Variants in SHB observed in about 807,000 individuals in gnomAD.
The protein encoded by SHB is SH2 domain containing adaptor protein B, also known as SH2 domain-containing adapter protein B.
A neutral mutation model predicts 52.3 loss-of-function variants in SHB; 20 were observed. The observed-to-expected ratio is 0.38, with a 90% CI of 0.27 to 0.56. The LOEUF is 0.56. Ranked by LOEUF, SHB falls within the 20% of genes least tolerant of loss-of-function variation. The probability of loss-of-function intolerance (pLI) is 0.71; values close to 1 mark genes in which losing one functional copy is unlikely to be tolerated. For synonymous variants in SHB, 397 were observed against 316.5 expected (o/e 1.25, Z -2.70); for missense variants, 825 against 723.3 (o/e 1.14, Z -1.61).
intron 1 of SHB, among the ~76,000 whole-genome samples, chr9:38,050,289 TA>T (rs1411903859): frequency 2.0e-4 from 31 of 152,316 alleles, no homozygotes; most frequent in East Asian, 1.9e-4. Flanking sequence ...CTTTTACCAC[TA>T]AAGAACTAAG....
intron 1 of SHB, among the ~76,000 whole-genome samples, chr9:38,065,215 G>A (rs1821945835): frequency 6.6e-6 from 1 of 152,186 alleles, no homozygotes; most frequent in Non-Finnish European, 1.5e-5. Flanking sequence ...AAGCTGTCTG[G>A]CTGGAAATAA....
chr9:37,970,406 C>T (rs924627908), intron 3 of SHB, among the ~76,000 whole-genome samples: 1 of 152,166 alleles, frequency 6.6e-6, no homozygotes, highest in African/African-American at 2.4e-5. Flanking sequence ...GATAACTGAG[C>T]CTTCCGCGGT....
At chr9:37,980,700 C>A (rs1212597502) in intron 2 of SHB, among the ~76,000 whole-genome samples, 3 of 152,170 alleles carry the variant, frequency 2.0e-5, no homozygotes, top group Non-Finnish European at 2.9e-5. Flanking sequence ...TCTCTGGCAG[C>A]TATAGCCTTA....
intron 2 of SHB, 29 bp downstream of exon 2, chr9:38,015,982 G>T: frequency 1.2e-6 from 2 of 1,612,046 alleles, no homozygotes; most frequent in Non-Finnish European, 1.7e-6. Context: ...AACCCCAGCT[G>T]TGAGCCCCTG....
At chr9:37,972,005 T>TA (rs1252270986) in intron 3 of SHB, among the ~76,000 whole-genome samples, 2 of 152,198 alleles carry the variant, frequency 1.3e-5, no homozygotes, top group Non-Finnish European at 2.9e-5. Flanking sequence ...CCTGCATTTC[T>TA]AACCAGCACT....
chr9:38,000,713 G>A (rs1476053432), intron 2 of SHB, among the ~76,000 whole-genome samples: 1 of 152,234 alleles, frequency 6.6e-6, no homozygotes, highest in African/African-American at 2.4e-5. Context: ...TAAAGTGCAT[G>A]GCATTTGGCC....
At chr9:38,025,595 C>T (rs1173447428) in intron 1 of SHB, among the ~76,000 whole-genome samples, 1 of 152,186 alleles carries the variant, frequency 6.6e-6, no homozygotes, top group East Asian at 1.9e-4. Context: ...GTCACAGGTG[C>T]CGGATGGTTC....
chr9:37,966,133 C>A (rs1251774612), intron 3 of SHB, among the ~76,000 whole-genome samples: 3 of 152,194 alleles, frequency 2.0e-5, no homozygotes, highest in African/African-American at 7.2e-5. Context: ...GCCACTGCGT[C>A]TGGCCTGATT....
At chr9:38,025,324 A>T (rs1462107305) in intron 1 of SHB, among the ~76,000 whole-genome samples, 1 of 151,972 alleles carries the variant, frequency 6.6e-6, no homozygotes. Flanking sequence ...TGCAGACTCC[A>T]TCAACCTCTG....
intron 5 of SHB, 116 bp from the exon 6 acceptor site, chr9:37,920,120 G>T: frequency 1.3e-6 from 1 of 795,118 alleles, no homozygotes; most frequent in Non-Finnish European, 2.1e-6. Flanking sequence ...GCTGTGAGCT[G>T]CACCTCTCCA....
chr9:37,998,205 TGGAGGGA>T (rs56670029), intron 2 of SHB, among the ~76,000 whole-genome samples: 76 of 149,076 alleles, frequency 5.1e-4, no homozygotes, highest in African/African-American at 1.5e-3. Context: ...GCAGGCAGCT[TGGAGGGA>T]GGAGGGAGGA....
intron 5 of SHB, among the ~76,000 whole-genome samples, chr9:37,920,297 AAAC>A (rs1832163471): frequency 6.9e-6 from 1 of 144,946 alleles, no homozygotes; most frequent in Non-Finnish European, 1.5e-5. Flanking sequence ...AAACAAAACA[AAAC>A]AAAACAAAAC....
intron 1 of SHB, among the ~76,000 whole-genome samples, chr9:38,065,761 C>G (rs1469714184): frequency 1.3e-5 from 2 of 152,232 alleles, no homozygotes; most frequent in African/African-American, 4.8e-5. Flanking sequence ...AATCCCTTCA[C>G]AGGCCCCCTC....
intron 1 of SHB, among the ~76,000 whole-genome samples, chr9:38,045,338 C>T (rs575924708): frequency 5.3e-5 from 8 of 152,162 alleles, no homozygotes; most frequent in East Asian, 1.9e-4. Context: ...CGGTGGCTCA[C>T]GCCTGTAATC....
intron 2 of SHB, among the ~76,000 whole-genome samples, chr9:37,975,625 AGGAT>A: frequency 6.6e-6 from 1 of 152,320 alleles, no homozygotes; most frequent in African/African-American, 2.4e-5. Flanking sequence ...AGTGGCTGGA[AGGAT>A]GGATGCTAGG....
intron 2 of SHB, among the ~76,000 whole-genome samples, chr9:37,992,973 G>A (rs1820901381): frequency 6.6e-6 from 1 of 152,146 alleles, no homozygotes; most frequent in African/African-American, 2.4e-5. Flanking sequence ...CAGTCAATAG[G>A]TTTCTCTGCA....
intron 2 of SHB, among the ~76,000 whole-genome samples, chr9:37,982,978 C>CCT (rs1820756531): frequency 6.6e-6 from 1 of 151,358 alleles, no homozygotes; most frequent in African/African-American, 2.4e-5. Context: ...CTGGTGCCCC[C>CCT]CCCTCCATCT....
At chr9:37,931,130 G>T (rs1437114600) in intron 5 of SHB, among the ~76,000 whole-genome samples, 1 of 152,190 alleles carries the variant, frequency 6.6e-6, no homozygotes, top group Non-Finnish European at 1.5e-5. Context: ...ATGGATAAAA[G>T]ACCTAAATAT....
At position 37,939,980 on chromosome 9, in the gene SHB, TAG is replaced by T. The variant is rs1261627108; in HGVS notation, c.1346+8653_1346+8654del. ...GGGGCAGGATTTACACTTGCTGTGC[TAG>T]AGAGTAAACAGAGGGCTCAGAGAAT... On this transcript the variant is annotated intron_variant, in intron 5 of 5. Coordinates refer to ENST00000377707, the MANE Select transcript of SHB (RefSeq NM_003028.3). Among the ~76,000 whole-genome samples, 7 of 152,162 alleles carry T rather than the reference TAG, an allele frequency of 4.6e-5. No homozygotes were observed. The East Asian group carries it at 1.3e-3, about 29-fold the overall frequency.
Sources: gnomAD v4.1 joint callset for allele counts (sites outside exome capture counted in the v4.1 genomes callset) on GRCh38, gnomAD v4.1.1 for gene constraint, MANE v1.5 for transcripts, NCBI Gene and HGNC (gene_info 2026-07-23, HGNC 2026-07-21) for gene names.